Variants in ARPC1B observed in about 807,000 individuals in gnomAD.
The protein encoded by ARPC1B is actin related protein 2/3 complex subunit 1B.
ARPC1B carries 29 observed loss-of-function variants against 46.0 expected under a neutral mutation model. The observed-to-expected ratio is 0.63, with a 90% CI of 0.47 to 0.86. The LOEUF is 0.86. Ranked by LOEUF, ARPC1B falls within the 40% of genes least tolerant of loss-of-function variation. ARPC1B has a pLI of 0.00. For missense variants in ARPC1B, 469 were observed against 529.4 expected (o/e 0.89, Z 1.12); for synonymous variants, 201 against 213.9 (o/e 0.94, Z 0.53).
Position 99,381,498 on chromosome 7 carries a change from C to G in ARPC1B, c.-13-4204C>G, listed in dbSNP as rs374641743. ...ATGTGTTTGTGTGCGTGGCCTGACC[C>G]TGCGCTGCGTGTGTCTACTTGCTCA... On this transcript the variant is annotated intron_variant, in intron 1 of 9. Coordinates refer to ENST00000646101, the MANE Select transcript of ARPC1B (RefSeq NM_005720.4). Among the ~76,000 whole-genome samples the G allele has an allele frequency of 7.2e-5, 11 of 152,302 alleles. No homozygotes were observed. The South Asian group carries it at 1.7e-3, about 23-fold the overall frequency.
At position 99,394,035 on chromosome 7, in the gene ARPC1B, C is replaced by T. The variant is rs1349002459; in HGVS notation, c.996C>T (p.Ile332=). 3.1e-6 allele frequency: 5 copies of T among 1,612,950 alleles called. No homozygotes were observed. The highest frequency in any genetic ancestry group is 1.6e-4 in the Middle Eastern group (1 of 6,084). ...CTCCTCTTCCTCTTTGCAGCCAGATCTCGGTGCTCAGCGGCGGCAAGGCCA... is the reference window on the plus strand; with the variant it reads ...CTCCTCTTCCTCTTTGCAGCCAGATTTCGGTGCTCAGCGGCGGCAAGGCCA... ...DSLHKNSVSQ[I]SVLSGGKAKC... The change falls in exon 9 of 10, where the codon ATC becomes ATT. Residue 332 remains isoleucine, a synonymous_variant. Coordinates refer to ENST00000646101, the MANE Select transcript of ARPC1B (RefSeq NM_005720.4).
At chr7:99,379,552 C>T (rs1038145727) in intron 1 of ARPC1B, among the ~76,000 whole-genome samples, 6 of 152,144 alleles carry the variant, frequency 3.9e-5, no homozygotes, top group Admixed American at 3.9e-4. Flanking sequence ...CCTCTGGATT[C>T]AGGGAAACCT....
intron 9 of ARPC1B, 33 bp downstream of exon 9, chr7:99,394,152 C>T: frequency 6.2e-7 from 1 of 1,604,168 alleles, no homozygotes. Context: ...TCCCGCCATG[C>T]CTCCCAGGTC....
At chr7:99,385,941 T>C (rs1218443424) in intron 2 of ARPC1B, among the ~76,000 whole-genome samples, 163 bp downstream of exon 2, 1 of 152,148 alleles carries the variant, frequency 6.6e-6, no homozygotes, top group African/African-American at 2.4e-5. Context: ...ACCAGGGGCC[T>C]CCTGGGTTAA....
chr7:99,383,605 C>T (rs1584402517), intron 1 of ARPC1B, among the ~76,000 whole-genome samples: 2 of 152,164 alleles, frequency 1.3e-5, no homozygotes, highest in African/African-American at 2.4e-5. Context: ...AGTGCCGGAC[C>T]GTGGAAGGTG....
At chr7:99,388,606 C>A (rs1262640022) in intron 4 of ARPC1B, 5 of 216,264 alleles carry the variant, frequency 2.3e-5, no homozygotes, top group African/African-American at 9.0e-5. Flanking sequence ...TTTCTCAAGG[C>A]ACCACTCACG....
intron 1 of ARPC1B, among the ~76,000 whole-genome samples, chr7:99,385,078 G>T (rs1288418344): frequency 2.0e-5 from 3 of 146,488 alleles, no homozygotes; most frequent in African/African-American, 7.6e-5. Context: ...CCATTCTCCT[G>T]CCTCAGGCTG....
At chr7:99,378,782 T>TTC (rs1376394896) in intron 1 of ARPC1B, among the ~76,000 whole-genome samples, 1 of 134,320 alleles carries the variant, frequency 7.4e-6, no homozygotes, top group East Asian at 2.1e-4. Context: ...TTCTTTTTTT[T>TTC]TTTTTTTTTT....
chr7:99,381,858 C>T (rs1412764838), intron 1 of ARPC1B, among the ~76,000 whole-genome samples: 1 of 152,226 alleles, frequency 6.6e-6, no homozygotes, highest in Non-Finnish European at 1.5e-5. Context: ...GATGGGCCGG[C>T]CCCTGGGCAG....
At chr7:99,390,095 C>G (rs1794521369) in intron 5 of ARPC1B, 83 bp downstream of exon 5, 3 of 1,263,464 alleles carry the variant, frequency 2.4e-6, no homozygotes, top group Admixed American at 1.7e-5. Flanking sequence ...CCTGAAAGCT[C>G]TACACCCCAG....
At chr7:99,392,247 G>A (rs898831038) in intron 7 of ARPC1B, 2 of 176,576 alleles carry the variant, frequency 1.1e-5, no homozygotes, top group Non-Finnish European at 1.2e-5. Flanking sequence ...GAGAGTTCGG[G>A]GTGTGCGGTT....
intron 4 of ARPC1B, 79 bp from the exon 5 acceptor site, chr7:99,389,826 C>A: frequency 8.3e-7 from 1 of 1,203,952 alleles, no homozygotes. Flanking sequence ...GCAGTGGGAG[C>A]CTGGAGTCCC....
Position 99,386,725 on chromosome 7 carries a change from T to C in ARPC1B, c.105T>C (p.Tyr35=), listed in dbSNP as rs759900503. ...ICPNNHEVHI[Y]EKSGAKWTKV... is the part of the protein sequence containing the mutation. Reference sequence around the variant, plus strand: ...CCAACAACCATGAGGTGCATATCTATGAAAAGAGCGGTGCCAAATGGACCA... The same window carrying C: ...CCAACAACCATGAGGTGCATATCTACGAAAAGAGCGGTGCCAAATGGACCA... Residue 35 remains tyrosine (Y), a synonymous_variant, in exon 3 of 10, where the codon TAT becomes TAC. Transcript: ENST00000646101. 9 of 1,614,024 alleles carry C rather than the reference T, an allele frequency of 5.6e-6. No individual in the cohort carries two copies. The highest frequency in any genetic ancestry group is 7.6e-6 in the Non-Finnish European group (9 of 1,179,990).
intron 4 of ARPC1B, chr7:99,388,932 ATTTTTTTTTT>A (rs34650108): frequency 9.3e-6 from 1 of 107,012 alleles, no homozygotes; most frequent in South Asian, 2.8e-4. Flanking sequence ...TGCCCAGCCA[ATTTTTTTTTT>A]TTTTTTTTTT....
intron 4 of ARPC1B, chr7:99,388,549 G>T: frequency 2.5e-6 from 1 of 403,316 alleles, no homozygotes; most frequent in South Asian, 3.6e-5. Flanking sequence ...CTGGGCATCG[G>T]TCACTGTCCC....
At chr7:99,392,587 C>T (rs1400325289) in intron 7 of ARPC1B, 84 bp from the exon 8 acceptor site, 21 of 1,268,242 alleles carry the variant, frequency 1.7e-5, no homozygotes, top group Admixed American at 1.6e-4. Context: ...ATCTGCCTCC[C>T]GGGCGGCCAG....
rs997995641 is a variant in ARPC1B, at chr7:99,390,073, C to T, written c.500+61C>T. The T allele has an allele frequency of 1.8e-5, 26 of 1,455,096 alleles. No individual in the cohort carries two copies. The highest frequency in any genetic ancestry group is 8.4e-5 in the Admixed American group (5 of 59,230). 90.1% of individuals were successfully genotyped at this position (1,455,096 alleles called of 1,614,324 possible). A position where few individuals can be genotyped will look rare whatever the true frequency, so the allele number is the denominator to read the frequency against. Reference sequence around the variant, plus strand: ...CGTCAACTGACTGCTGACATCATAGCGGGGAGCCGCACCTGAAAGCTCTAC... The same window carrying T: ...CGTCAACTGACTGCTGACATCATAGTGGGGAGCCGCACCTGAAAGCTCTAC... On this transcript the variant is annotated intron_variant, in intron 5 of 9. Transcript: ENST00000646101.
At chr7:99,375,072 G>A (rs977732146) in intron 1 of ARPC1B, among the ~76,000 whole-genome samples, 3 of 148,524 alleles carry the variant, frequency 2.0e-5, no homozygotes, top group Admixed American at 6.6e-5. Flanking sequence ...GTGGCCGCAG[G>A]GCCAGACTGT....
intron 7 of ARPC1B, among the ~76,000 whole-genome samples, 187 bp from the exon 8 acceptor site, chr7:99,392,484 G>T (rs1157057391): frequency 6.6e-6 from 1 of 152,212 alleles, no homozygotes; most frequent in Non-Finnish European, 1.5e-5. Context: ...GGCCTTGCTG[G>T]GGGAGGTGGC....
Sources: allele counts gnomAD v4.1 joint callset (sites outside exome capture counted in the v4.1 genomes callset), GRCh38; gene constraint gnomAD v4.1.1; transcripts MANE v1.5; gene names NCBI Gene and HGNC (gene_info 2026-07-23, HGNC 2026-07-21).